Variants in SERPINB7 observed in about 807,000 individuals in gnomAD.
SERPINB7 encodes serpin family B member 7.
SERPINB7 carries 31 observed loss-of-function variants against 37.4 expected under a neutral mutation model. The observed-to-expected ratio is 0.83, with a 90% CI of 0.62 to 1.12. The LOEUF is 1.12. Among genes scored for constraint, SERPINB7 ranks in the 50% most tolerant of loss-of-function variants. The pLI is 0.00. For synonymous variants in SERPINB7, 163 were observed against 166.1 expected, an observed-to-expected ratio of 0.98 and a Z score of 0.14; for missense variants, 521 against 455.3, an observed-to-expected ratio of 1.14 and a Z score of -1.31.
intron 1 of SERPINB7, among the ~76,000 whole-genome samples, chr18:63,759,562 C>T (rs960871850): frequency 6.6e-6 from 1 of 152,122 alleles, no homozygotes; most frequent in Non-Finnish European, 1.5e-5. Flanking sequence ...CTGCCTTTTA[C>T]CAGTAGCTCA....
chr18:63,774,306 G>A (rs2049229763), upstream of SERPINB7, among the ~76,000 whole-genome samples: 1 of 152,002 alleles, frequency 6.6e-6, no homozygotes, highest in South Asian at 2.1e-4. Context: ...GCACAAAATT[G>A]AGAGGCGAGC....
intron 4 of SERPINB7, 96 bp downstream of exon 4, chr18:63,793,373 G>A: frequency 5.1e-6 from 3 of 589,436 alleles, no homozygotes; most frequent in Non-Finnish European, 8.9e-6. Context: ...TACAAAGATG[G>A]TTTTGTTTCT....
intron 5 of SERPINB7, 125 bp from the exon 6 acceptor site, chr18:63,798,479 C>G (rs944647300): frequency 1.4e-5 from 10 of 699,372 alleles, no homozygotes; most frequent in Non-Finnish European, 1.8e-5. Context: ...ATAGGTTATT[C>G]TTAATATTCT....
At chr18:63,783,178 AAGAAAGAAAGAGAGAG>A (rs2049319570) in intron 2 of SERPINB7, among the ~76,000 whole-genome samples, 1 of 100,952 alleles carries the variant, frequency 9.9e-6, no homozygotes, top group East Asian at 2.7e-4. Flanking sequence ...AAAATAAAGA[AAGAAAGAAAGAGAGAG>A]AGAGAGAGAG....
intron 1 of SERPINB7, among the ~76,000 whole-genome samples, chr18:63,754,498 C>T (rs1057285165): frequency 1.3e-5 from 2 of 152,062 alleles, no homozygotes; most frequent in Non-Finnish European, 2.9e-5. Flanking sequence ...TAGGTACGAG[C>T]CCTGTCGTCT....
At chr18:63,785,554 G>T (rs2049355382) in intron 2 of SERPINB7, among the ~76,000 whole-genome samples, 1 of 151,942 alleles carries the variant, frequency 6.6e-6, no homozygotes, top group African/African-American at 2.4e-5. Context: ...TAAATATATA[G>T]TATAGAGTAA....
intron 5 of SERPINB7, among the ~76,000 whole-genome samples, chr18:63,797,670 C>T (rs1448436557): frequency 6.6e-6 from 1 of 152,216 alleles, no homozygotes; most frequent in African/African-American, 2.4e-5. Flanking sequence ...CCCACATCCT[C>T]TACACAATAT....
rs183732612 is a variant in SERPINB7, at chr18:63,790,950, T to C, written c.169-1443T>C. Among the ~76,000 whole-genome samples the C allele has an allele frequency of 1.3e-4, 20 of 152,314 alleles. No homozygotes were observed. The East Asian group carries it at 2.9e-3, about 22-fold the overall frequency. ...GTGGCACATATGCACTATGGAATAC[T>C]ATACAGCCATAAAAAGGATGAGTTC... On this transcript the variant is annotated intron_variant, in intron 2 of 7. Coordinates refer to ENST00000398019, the MANE Select transcript of SERPINB7 (RefSeq NM_003784.4).
At chr18:63,753,744 G>T (rs1201436795) in intron 1 of SERPINB7, among the ~76,000 whole-genome samples, 1 of 152,086 alleles carries the variant, frequency 6.6e-6, no homozygotes, top group East Asian at 1.9e-4. Flanking sequence ...ATGATATTTG[G>T]CAACTTTAGC....
At chr18:63,792,104 G>A (rs749609743) in intron 2 of SERPINB7, among the ~76,000 whole-genome samples, 12 of 152,156 alleles carry the variant, frequency 7.9e-5, no homozygotes, top group Non-Finnish European at 1.8e-4. Context: ...AATTGGAAGC[G>A]ATATCACCAT....
intron 2 of SERPINB7, among the ~76,000 whole-genome samples, chr18:63,783,307 T>C (rs994357218): frequency 1.4e-4 from 21 of 145,816 alleles, no homozygotes; most frequent in Admixed American, 1.3e-3. Context: ...ATGCAAATGC[T>C]TGGGCTCTAC....
rs767222895 is a variant in SERPINB7, at chr18:63,793,261, T to G, written c.320T>G (p.Val107Gly). The G allele has an allele frequency of 1.2e-5, 19 of 1,587,412 alleles. No individual in the cohort carries two copies. In the African/African-American group the frequency reaches 2.2e-4, roughly 18 times the overall value. Residue 107 changes from valine (V) to glycine (G), a missense_variant, in exon 4 of 8, where the codon GTG (valine) becomes GGG (glycine). Val to Gly is a moderately radical substitution (Grantham distance 109, BLOSUM62 -3). Coordinates refer to ENST00000398019, the MANE Select transcript of SERPINB7 (RefSeq NM_003784.4). The stretch of plus-strand genomic sequence containing the variant: ...GTGAATGGGCTTTTTGCTGAAAAAG[T>G]GTATGGCTTTCATAAGGTAAGTGAA... Reference protein sequence around the residue: ...SIVNGLFAEKVYGFHKDYIEC... With the variant: ...SIVNGLFAEKGYGFHKDYIEC...
chr18:63,788,013 C>T (rs1297863055), intron 2 of SERPINB7, among the ~76,000 whole-genome samples: 1 of 152,196 alleles, frequency 6.6e-6, no homozygotes, highest in African/African-American at 2.4e-5. Context: ...TGTAGAAAAG[C>T]CCAACACATA....
rs561479149 is a variant in SERPINB7, at chr18:63,804,709, A to C, written c.*74A>C. 16 of 1,420,784 alleles carry C rather than the reference A, an allele frequency of 1.1e-5. No homozygotes were observed. The South Asian group carries it at 2.1e-4, about 18-fold the overall frequency. 88.0% of individuals were successfully genotyped at this position (1,420,784 alleles called of 1,614,324 possible). A position where few individuals can be genotyped will look rare whatever the true frequency, so the allele number is the denominator to read the frequency against. On this transcript the variant is annotated 3_prime_UTR_variant, in exon 8 of 8. Transcript: ENST00000398019. ...ACCACAAGTCAATAGATTTGAGTTT[A>C]ATTGGAAAAATGTGGTGTTTCCTTT...
chr18:63,798,487 T>A lies in SERPINB7; in HGVS notation c.455-117T>A, dbSNP rs547296047. 324 of 726,186 alleles carry A rather than the reference T, an allele frequency of 4.5e-4. 3 individuals are homozygous for A. Among genetic ancestry groups the A allele is most frequent in the South Asian group, 1.1e-3 (50 of 44,392 alleles). The allele number at this position is 726,186 out of a possible 1,614,324, so 45.0% of individuals were successfully genotyped here. ...ATTGCTCATAGGTTATTCTTAATAT[T>A]CTTATTGGTGTTATTATGTGTTAAG... is the stretch of plus-strand genomic sequence containing the variant. On this transcript the variant is annotated intron_variant, in intron 5 of 7. Transcript: ENST00000398019.
rs1003050502 is a variant in SERPINB7, at chr18:63,786,035, T to C, written c.168+3495T>C. Among the ~76,000 whole-genome samples the C allele has an allele frequency of 7.3e-5, 9 of 123,476 alleles. No individual in the cohort carries two copies. In the East Asian group the frequency reaches 1.9e-3, roughly 26 times the overall value. The allele number at this position is 123,476 out of a possible 152,430, so 81.0% of individuals were successfully genotyped here. Reference sequence around the variant, plus strand: ...TACACATATATAATATACGTATATATACACATATATATAATATATGTATAT... The same window carrying C: ...TACACATATATAATATACGTATATACACACATATATATAATATATGTATAT... On this transcript the variant is annotated intron_variant, in intron 2 of 7. Transcript: ENST00000398019.
At chr18:63,757,294 C>T (rs1002659210) in intron 1 of SERPINB7, among the ~76,000 whole-genome samples, 3 of 152,062 alleles carry the variant, frequency 2.0e-5, no homozygotes, top group Non-Finnish European at 2.9e-5. Flanking sequence ...ACATGTATAG[C>T]CCTGGGAAAG....
rs974418243 is a variant in SERPINB7, at chr18:63,779,863, T to A, written c.-18-2492T>A. ...AGAATACTATTCAAAAGTATAATTT[T>A]TTTTTGCCCCAAAGGATAAAATAGT... On this transcript the variant is annotated intron_variant, in intron 1 of 7. Transcript: ENST00000398019. Among the ~76,000 whole-genome samples the A allele has an allele frequency of 6.7e-4, 102 of 152,222 alleles. 1 individual carries two copies. In the East Asian group the frequency reaches 0.017, roughly 26 times the overall value.
At chr18:63,803,471 ATCT>A (rs965589504) in intron 7 of SERPINB7, among the ~76,000 whole-genome samples, 6 of 152,196 alleles carry the variant, frequency 3.9e-5, no homozygotes, top group African/African-American at 7.2e-5. Context: ...TTTATGAAAA[ATCT>A]TCTTATTCTA....
Sources: allele counts gnomAD v4.1 joint callset (sites outside exome capture counted in the v4.1 genomes callset), GRCh38; gene constraint gnomAD v4.1.1; transcripts MANE v1.5; gene names NCBI Gene and HGNC (gene_info 2026-07-23, HGNC 2026-07-21).